FHIT: variants seen among roughly 807,000 people sequenced by gnomAD.
FHIT encodes bis(5'-adenosyl)-triphosphatase.
FHIT carries 19 observed loss-of-function variants against 17.9 expected under a neutral mutation model. That is an observed-to-expected ratio of 1.06 (90% CI 0.74 to 1.56). The LOEUF (loss-of-function observed/expected upper bound fraction) is 1.56, where lower values mean the gene tolerates loss of function less well. Ranked by LOEUF, FHIT falls within the 40% of genes most tolerant of loss-of-function variation. The pLI, the probability that FHIT is intolerant of heterozygous loss-of-function variation, is 0.00. For synonymous variants in FHIT, 81 were observed against 69.7 expected (o/e 1.16, Z -0.81); for missense variants, 248 against 189.2 (o/e 1.31, Z -1.82).
At chr3:60,435,812 C>A (rs2030174941) in intron 5 of FHIT, among the ~76,000 whole-genome samples, 1 of 152,078 alleles carries the variant, frequency 6.6e-6, no homozygotes, top group Non-Finnish European at 1.5e-5. Context: ...CTCTCACACT[C>A]CGTGTTCTGA....
At chr3:61,104,629 G>T (rs1245109398) in intron 2 of FHIT, among the ~76,000 whole-genome samples, 1 of 152,044 alleles carries the variant, frequency 6.6e-6, no homozygotes, top group Non-Finnish European at 1.5e-5. Flanking sequence ...GCTAAGTTGG[G>T]GACATTCTCA....
chr3:60,157,551 C>T (rs376288730), intron 5 of FHIT, among the ~76,000 whole-genome samples: 1 of 152,160 alleles, frequency 6.6e-6, no homozygotes, highest in East Asian at 1.9e-4. Context: ...TAAATACAGG[C>T]AGCAGTGAGC....
At chr3:60,628,190 G>C (rs1199457008) in intron 4 of FHIT, among the ~76,000 whole-genome samples, 1 of 151,966 alleles carries the variant, frequency 6.6e-6, no homozygotes, top group Non-Finnish European at 1.5e-5. Context: ...TTTTCATTGT[G>C]ATTTTTTAAA....
intron 5 of FHIT, among the ~76,000 whole-genome samples, chr3:60,021,812 T>C (rs6784545): frequency 6.6e-6 from 1 of 152,306 alleles, no homozygotes; most frequent in South Asian, 2.1e-4. Context: ...AAAACCTCCA[T>C]GTATAATACC....
At chr3:61,230,928 G>T (rs1415515913) in intron 1 of FHIT, among the ~76,000 whole-genome samples, 1 of 151,862 alleles carries the variant, frequency 6.6e-6, no homozygotes, top group Non-Finnish European at 1.5e-5. Flanking sequence ...TCAGAACTGT[G>T]GATTCTATCA....
chr3:60,781,891 A>C (rs903284441), intron 4 of FHIT, among the ~76,000 whole-genome samples: 5 of 152,202 alleles, frequency 3.3e-5, no homozygotes, highest in Admixed American at 6.5e-5. Flanking sequence ...ACAAAGTGAT[A>C]CTATGATATA....
At chr3:60,152,257 T>A (rs1700499104) in intron 5 of FHIT, among the ~76,000 whole-genome samples, 2 of 152,164 alleles carry the variant, frequency 1.3e-5, no homozygotes, top group African/African-American at 4.8e-5. Flanking sequence ...TAGGAGTAAG[T>A]ATCTATTAGC....
chr3:60,601,066 T>C (rs2107713249), intron 4 of FHIT, among the ~76,000 whole-genome samples: 1 of 152,268 alleles, frequency 6.6e-6, no homozygotes, highest in Non-Finnish European at 1.5e-5. Context: ...CCCCAGAGTT[T>C]GTTGACTTCC....
intron 3 of FHIT, among the ~76,000 whole-genome samples, chr3:60,959,035 A>T (rs1553779757): frequency 1.3e-5 from 2 of 152,222 alleles, no homozygotes; most frequent in African/African-American, 4.8e-5. Context: ...ATTAACATTA[A>T]CTTAAGCAGG....
intron 5 of FHIT, among the ~76,000 whole-genome samples, chr3:60,133,198 C>G (rs1281139747): frequency 6.6e-6 from 1 of 152,110 alleles, no homozygotes; most frequent in Non-Finnish European, 1.5e-5. Context: ...TGAAGGAGGG[C>G]TATACCCCAA....
At chr3:60,029,274 C>T (rs143160904) in intron 5 of FHIT, among the ~76,000 whole-genome samples, 3 of 152,100 alleles carry the variant, frequency 2.0e-5, no homozygotes, top group East Asian at 1.9e-4. Context: ...TTTCCGCTTG[C>T]GTGGTCATTT....
At chr3:59,924,251 C>A (rs1456716878) in intron 7 of FHIT, among the ~76,000 whole-genome samples, 3 of 152,118 alleles carry the variant, frequency 2.0e-5, no homozygotes, top group Non-Finnish European at 4.4e-5. Flanking sequence ...GAATCTCCTG[C>A]CATCCTTTCT....
chr3:59,938,453 T>C (rs1419813387), intron 7 of FHIT, among the ~76,000 whole-genome samples: 3 of 152,122 alleles, frequency 2.0e-5, no homozygotes, highest in African/African-American at 4.8e-5. Context: ...AGCAGATTTG[T>C]AGGAAGAACC....
At chr3:59,790,865 T>C (rs1284603812) in intron 8 of FHIT, among the ~76,000 whole-genome samples, 1 of 152,216 alleles carries the variant, frequency 6.6e-6, no homozygotes, top group Non-Finnish European at 1.5e-5. Flanking sequence ...AACTTTTTTT[T>C]AATGAATGAA....
intron 4 of FHIT, among the ~76,000 whole-genome samples, chr3:60,806,644 G>A (rs1701400305): frequency 6.6e-6 from 1 of 152,072 alleles, no homozygotes; most frequent in African/African-American, 2.4e-5. Context: ...TTTTTACCTG[G>A]TAGGAGGATG....
At chr3:60,000,830 C>T (rs1000180900) in intron 7 of FHIT, among the ~76,000 whole-genome samples, 6 of 152,100 alleles carry the variant, frequency 3.9e-5, no homozygotes, top group Admixed American at 6.6e-5. Flanking sequence ...CCCAGTGTAA[C>T]GGCTCCCCGC....
intron 4 of FHIT, among the ~76,000 whole-genome samples, chr3:60,804,784 C>A (rs1701324934): frequency 6.6e-6 from 1 of 152,206 alleles, no homozygotes; most frequent in African/African-American, 2.4e-5. Flanking sequence ...TCCTCCATTG[C>A]ACAGCCCTGT....
At chr3:60,587,347 G>T (rs2037939889) in intron 4 of FHIT, among the ~76,000 whole-genome samples, 2 of 151,998 alleles carry the variant, frequency 1.3e-5, no homozygotes, top group South Asian at 4.1e-4. Flanking sequence ...ACTGGGGCCA[G>T]TTGGCGGGTG....
intron 5 of FHIT, among the ~76,000 whole-genome samples, chr3:60,277,804 T>G (rs1707229064): frequency 6.6e-6 from 1 of 151,890 alleles, no homozygotes; most frequent in Admixed American, 6.6e-5. Flanking sequence ...ACTCACTCCT[T>G]GTGTGTGTGT....
Sources: allele counts gnomAD v4.1 joint callset (sites outside exome capture counted in the v4.1 genomes callset), GRCh38; gene constraint gnomAD v4.1.1; transcripts MANE v1.5; gene names NCBI Gene and HGNC (gene_info 2026-07-23, HGNC 2026-07-21).